Variants in NRG2 observed in about 807,000 individuals in gnomAD.
NRG2 encodes neuregulin 2, also known as pro-neuregulin-2, membrane-bound isoform.
NRG2 carries 27 observed loss-of-function variants against 73.9 expected under a neutral mutation model. The observed-to-expected ratio is 0.37, with a 90% CI of 0.27 to 0.50. NRG2 has a LOEUF of 0.50. Ranked by LOEUF, NRG2 falls within the 20% of genes least tolerant of loss-of-function variation. NRG2 has a pLI of 0.96. For synonymous variants in NRG2, 532 were observed against 541.0 expected (o/e 0.98, Z 0.23); for missense variants, 1,126 against 1,210.1 (o/e 0.93, Z 1.03).
At chr5:140,010,132 T>C (rs779865286) in intron 1 of NRG2, among the ~76,000 whole-genome samples, 2 of 152,042 alleles carry the variant, frequency 1.3e-5, no homozygotes, top group Non-Finnish European at 2.9e-5. Context: ...ACCCTGTCTC[T>C]ACTAAAAATA....
At chr5:139,963,126 T>C (rs1178716760) in intron 1 of NRG2, among the ~76,000 whole-genome samples, 1 of 152,162 alleles carries the variant, frequency 6.6e-6, no homozygotes, top group East Asian at 1.9e-4. Context: ...AGTGAATAAA[T>C]GAACAAAGAG....
chr5:139,938,888 GA>G (rs1175422454), intron 1 of NRG2, among the ~76,000 whole-genome samples: 21 of 67,662 alleles, frequency 3.1e-4, no homozygotes, highest in South Asian at 2.7e-3. Flanking sequence ...GAGAAGGAAA[GA>G]AAGAAAGAAA....
chr5:140,038,295 C>T (rs1471417992), intron 1 of NRG2, among the ~76,000 whole-genome samples: 1 of 152,022 alleles, frequency 6.6e-6, no homozygotes, highest in Admixed American at 6.5e-5. Flanking sequence ...TTTGTTAATT[C>T]AAACCGACGG....
chr5:139,927,762 C>T (rs1164983661), intron 1 of NRG2, among the ~76,000 whole-genome samples: 4 of 104,236 alleles, frequency 3.8e-5, no homozygotes, highest in Middle Eastern at 5.1e-3. Context: ...GAAACCTTGT[C>T]TCAAAAAAAA....
At position 139,870,705 on chromosome 5, in the gene NRG2, T is replaced by C. The variant is rs1036944433; in HGVS notation, c.1112+1016A>G. On this transcript the variant is annotated intron_variant, in intron 4 of 9. Transcript: ENST00000361474. The surrounding 1 kb of genome is among the most constrained non-coding windows in gnomAD (Gnocchi z 4.4). Reference sequence around the variant, plus strand: ...GGGCTGCTTTGAAACACTGAAGTTATTAACTAGGCCCCCCTCCCACTCCTC... The same window carrying C: ...GGGCTGCTTTGAAACACTGAAGTTACTAACTAGGCCCCCCTCCCACTCCTC... Among the ~76,000 whole-genome samples the C allele has an allele frequency of 6.6e-6, 1 of 152,176 alleles. No individual in the cohort carries two copies. Among genetic ancestry groups the C allele is most frequent in the African/African-American group, 2.4e-5 (1 of 41,452 alleles).
chr5:139,916,493 T>A (rs1330818132), intron 1 of NRG2, among the ~76,000 whole-genome samples: 2 of 152,174 alleles, frequency 1.3e-5, no homozygotes, highest in Non-Finnish European at 2.9e-5. Flanking sequence ...CTGCAATAAG[T>A]TTTGGAACAT....
intron 1 of NRG2, among the ~76,000 whole-genome samples, chr5:139,982,082 A>G (rs533599605): frequency 1.3e-5 from 2 of 152,314 alleles, no homozygotes; most frequent in East Asian, 3.9e-4. Context: ...CTGAGGGCAG[A>G]AAGAAATTAA....
At chr5:139,872,750 A>G (rs1348115923) in intron 3 of NRG2, among the ~76,000 whole-genome samples, 2 of 152,184 alleles carry the variant, frequency 1.3e-5, no homozygotes, top group Non-Finnish European at 2.9e-5. Context: ...TTGAGAAATG[A>G]ACATCACTGA....
chr5:140,018,359 G>C (rs1759957294), intron 1 of NRG2, among the ~76,000 whole-genome samples: 2 of 152,208 alleles, frequency 1.3e-5, no homozygotes, highest in Admixed American at 1.3e-4. Context: ...CCAGCCTGCA[G>C]ACGAGGGATG....
intron 1 of NRG2, among the ~76,000 whole-genome samples, chr5:139,891,859 T>A (rs1056463651): frequency 5.9e-5 from 9 of 152,352 alleles, no homozygotes; most frequent in South Asian, 2.1e-4. Flanking sequence ...CTACTAGAAA[T>A]TTTTAAATTA....
chr5:139,918,626 G>C (rs1362098962), intron 1 of NRG2, among the ~76,000 whole-genome samples: 1 of 152,180 alleles, frequency 6.6e-6, no homozygotes, highest in South Asian at 2.1e-4. Context: ...AGAACACTGA[G>C]AGAAGTTGGG....
intron 1 of NRG2, among the ~76,000 whole-genome samples, chr5:140,012,610 CA>C (rs1310979262): frequency 2.0e-5 from 3 of 152,108 alleles, no homozygotes; most frequent in Non-Finnish European, 4.4e-5. Context: ...TCCATGATAT[CA>C]AATGCATGCA....
Position 139,848,483 on chromosome 5 carries a change from C to T in NRG2, c.1987G>A (p.Gly663Arg). 1.5e-6 allele frequency: 2 copies of T among 1,340,456 alleles called. No individual in the cohort carries two copies. The highest frequency in any genetic ancestry group is 3.1e-5 in the East Asian group (1 of 32,078). 83.0% of individuals were successfully genotyped at this position (1,340,456 alleles called of 1,614,324 possible). The change falls in exon 10 of 10, where the codon GGG (glycine) becomes AGG (arginine). Residue 663 changes from glycine (G) to arginine (R), a missense_variant. Physicochemically the swap from Gly to Arg is moderately radical, Grantham distance 125. Transcript: ENST00000361474. ...TGCATGTCTGCGCCGGGCCCGGGCC[C>T]GGGCCCGGGTCCGGGTCCCGGGCCG... ...PPGPGPGPGPGPGPGADMQRS... is the reference protein window; with the variant it reads ...PPGPGPGPGPRPGPGADMQRS...
At chr5:140,029,712 G>A (rs533886223) in intron 1 of NRG2, among the ~76,000 whole-genome samples, 52 of 121,456 alleles carry the variant, frequency 4.3e-4, no homozygotes, top group Admixed American at 1.2e-3. Flanking sequence ...AAGCTCCAGC[G>A]TGCAGCTGTA....
intron 1 of NRG2, among the ~76,000 whole-genome samples, chr5:140,000,936 A>G (rs1475998740): frequency 6.6e-6 from 1 of 152,200 alleles, no homozygotes; most frequent in Non-Finnish European, 1.5e-5. Flanking sequence ...AAACTGTAAC[A>G]TAGGACTCAA....
chr5:139,954,472 G>A lies in NRG2; in HGVS notation c.701-66961C>T, dbSNP rs1754466224. 6.6e-6 allele frequency among the ~76,000 whole-genome samples: 1 copy of A among 152,138 alleles called. No individual in the cohort carries two copies. Among genetic ancestry groups the A allele is most frequent in the African/African-American group, 2.4e-5 (1 of 41,412 alleles). On this transcript the variant is annotated intron_variant, in intron 1 of 9. Transcript: ENST00000361474. The surrounding 1 kb of genome is among the most constrained non-coding windows in gnomAD (Gnocchi z 5.0). ...CTTCCAATTCATCCATCACACCATG[G>A]CCAAATTCATCCCACCACCCACTCT...
At chr5:139,978,004 T>C (rs921169533) in intron 1 of NRG2, among the ~76,000 whole-genome samples, 6 of 152,156 alleles carry the variant, frequency 3.9e-5, no homozygotes, top group African/African-American at 1.4e-4. Flanking sequence ...GAAGAAAACC[T>C]AGGCAATACC....
rs1761136096 is a variant in NRG2, at chr5:139,848,229, G to C, written c.2241C>G (p.Arg747=). The C allele has an allele frequency of 8.5e-7, 1 of 1,170,978 alleles. No homozygotes were observed. Among genetic ancestry groups the C allele is most frequent in the Non-Finnish European group, 1.1e-6 (1 of 950,492 alleles). The allele number at this position is 1,170,978 out of a possible 1,614,324, so 72.5% of individuals were successfully genotyped here. A position where few individuals can be genotyped will look rare whatever the true frequency, so the allele number is the denominator to read the frequency against. Residue 747 remains arginine, a synonymous_variant, in exon 10 of 10, where the codon CGC becomes CGG. Transcript: ENST00000361474. ...CGCGCTGCGCCGCCAGCCCGTTGAG[G>C]CGCGAGCGGCGCCAGCGCCGGGGCC... The part of the protein sequence containing the change: ...SAGPRRWRRS[R]LNGLAAQRAR...
chr5:139,881,851 CCCTCTTCTTTCTGAAG>C (rs1250022876), intron 2 of NRG2, among the ~76,000 whole-genome samples: 1 of 152,150 alleles, frequency 6.6e-6, no homozygotes, highest in East Asian at 1.9e-4. Context: ...GCCTTGGTCC[CCCTCTTCTTTCTGAAG>C]CCCCAGCCAA....
Sources: gnomAD v4.1 joint callset for allele counts (sites outside exome capture counted in the v4.1 genomes callset) on GRCh38, gnomAD v4.1.1 for gene constraint, Gnocchi (gnomAD v3.1) non-coding constraint, MANE v1.5 for transcripts, NCBI Gene and HGNC (gene_info 2026-07-23, HGNC 2026-07-21) for gene names.